ADGRL3: variants seen among roughly 807,000 people sequenced by gnomAD.
ADGRL3 encodes the protein adhesion G protein-coupled receptor L3, also known as calcium-independent alpha-latrotoxin receptor 3.
Under a neutral mutation model 153.5 loss-of-function variants are expected in ADGRL3, and 62 were observed. The observed-to-expected ratio is 0.40, with a 90% CI of 0.33 to 0.50. ADGRL3 has a LOEUF of 0.50. ADGRL3 is among the 20% of genes least tolerant of loss of function. The pLI is 0.47. For synonymous variants in ADGRL3, 710 were observed against 672.5 expected (o/e 1.06, Z -0.86); for missense variants, 1,641 against 1,859.4 (o/e 0.88, Z 2.16).
chr4:61,648,349 C>CTTTTTT (rs34166403), intron 5 of ADGRL3, among the ~76,000 whole-genome samples: 41 of 99,626 alleles, frequency 4.1e-4, no homozygotes, highest in East Asian at 6.2e-4. Flanking sequence ...ATGAAATCGG[C>CTTTTTT]TTTTTTTTTT....
At chr4:61,324,939 A>G (rs1482107837) in intron 1 of ADGRL3, among the ~76,000 whole-genome samples, 1 of 152,192 alleles carries the variant, frequency 6.6e-6, no homozygotes, top group East Asian at 1.9e-4. Flanking sequence ...AGAATTTTAA[A>G]TTATTAAAGC....
At chr4:61,711,653 A>T (rs1480611586) in intron 6 of ADGRL3, among the ~76,000 whole-genome samples, 1 of 151,384 alleles carries the variant, frequency 6.6e-6, no homozygotes, top group African/African-American at 2.4e-5. Flanking sequence ...ATGATTGGAT[A>T]ACATTTATGG....
intron 21 of ADGRL3, 31 bp from the exon 22 acceptor site, chr4:62,028,824 G>T: frequency 1.3e-6 from 2 of 1,586,170 alleles, no homozygotes; most frequent in Non-Finnish European, 1.7e-6. Context: ...TAATGTTGGT[G>T]TTCTTGTCTT....
chr4:61,748,213 A>G (rs972414186), intron 8 of ADGRL3, among the ~76,000 whole-genome samples: 4 of 152,192 alleles, frequency 2.6e-5, no homozygotes, highest in African/African-American at 9.7e-5. Context: ...AAAAGAGAAT[A>G]CAATCAAATG....
chr4:61,296,183 A>G (rs1254933138), intron 1 of ADGRL3, among the ~76,000 whole-genome samples: 1 of 152,152 alleles, frequency 6.6e-6, no homozygotes, highest in Non-Finnish European at 1.5e-5. Context: ...AGCAAAGCTA[A>G]CTTAATAATA....
At chr4:61,820,472 G>T (rs969965) in intron 9 of ADGRL3, among the ~76,000 whole-genome samples, 84,584 of 151,942 alleles carry the variant, frequency 0.56, 25,154 homozygotes, top group African/African-American at 0.76. Flanking sequence ...CACTATAAAC[G>T]ACTTAATAAA....
At chr4:62,012,343 T>C (rs971899731) in intron 21 of ADGRL3, among the ~76,000 whole-genome samples, 4 of 152,202 alleles carry the variant, frequency 2.6e-5, no homozygotes, top group Non-Finnish European at 4.4e-5. Context: ...ATTGTGTCTA[T>C]TTGGAAAATG....
Position 61,393,650 on chromosome 4 carries a change from TA to T in ADGRL3, c.-174+10462del, listed in dbSNP as rs1245108662. Reference sequence around the variant, plus strand: ...TACATTTTTAAAAGTTTCAAGCTTATATACTTACAAGAAAAGGAGACATTAA... The same window carrying T: ...TACATTTTTAAAAGTTTCAAGCTTATTACTTACAAGAAAAGGAGACATTAA... On this transcript the variant is annotated intron_variant, in intron 2 of 26. Transcript: ENST00000683033. Among the ~76,000 whole-genome samples the T allele has an allele frequency of 1.5e-4, 23 of 152,230 alleles. No individual in the cohort carries two copies. In the East Asian group the frequency reaches 4.4e-3, roughly 29 times the overall value.
intron 4 of ADGRL3, among the ~76,000 whole-genome samples, chr4:61,570,552 C>G (rs1397084734): frequency 6.6e-6 from 1 of 152,076 alleles, no homozygotes; most frequent in Non-Finnish European, 1.5e-5. Flanking sequence ...GATATCAATG[C>G]CTCATCTCTG....
In ADGRL3 at chr4:61,318,210, A is replaced by AAAAAAC. The variant is rs1560467266; in HGVS notation, c.-239-64910_-239-64909insACAAAA. Among the ~76,000 whole-genome samples the AAAAAAC allele has an allele frequency of 4.4e-5, 6 of 136,464 alleles. 1 individual carries two copies. Among genetic ancestry groups the AAAAAAC allele is most frequent in the Non-Finnish European group, 7.7e-5 (5 of 64,806 alleles). The allele number at this position is 136,464 out of a possible 152,430, so 89.5% of individuals were successfully genotyped here. On this transcript the variant is annotated intron_variant, in intron 1 of 26. Transcript: ENST00000683033. Reference sequence around the variant, plus strand: ...ACCTGTCTCAAAAAAAAAAAAAAAAAAAAACACAAAACACACACACACACA... The same window carrying AAAAAAC: ...ACCTGTCTCAAAAAAAAAAAAAAAAAAAAAACAAAACACAAAACACACACACACACA...
rs150017357 is a variant in ADGRL3, at chr4:61,486,635, T to C, written c.-173-10486T>C. ...AGATATATTTGGTTATTCTCAGTAA[T>C]ATTCAGAATAATCTCAGTTCCCTTT... On this transcript the variant is annotated intron_variant, in intron 2 of 26. Transcript: ENST00000683033. 2.5e-3 allele frequency among the ~76,000 whole-genome samples: 384 copies of C among 152,334 alleles called. 6 individuals are homozygous for C. Among genetic ancestry groups the C allele is most frequent in the Non-Finnish European group, 1.7e-3 (115 of 68,034 alleles).
Position 61,480,591 on chromosome 4 carries a change from C to T in ADGRL3, c.-173-16530C>T, listed in dbSNP as rs1240577514. Among the ~76,000 whole-genome samples, 5 of 15,766 alleles carry T rather than the reference C, an allele frequency of 3.2e-4. No individual in the cohort carries two copies. The Non-Finnish European group carries it at 7.2e-3, about 23-fold the overall frequency. 10.3% of individuals were successfully genotyped at this position (15,766 alleles called of 152,430 possible). Reference sequence around the variant, plus strand: ...ACCTGAGGTCAGGAGTTCGACCAGCCTGGACAATATGTGAAACCCTGTCTC... The same window carrying T: ...ACCTGAGGTCAGGAGTTCGACCAGCTTGGACAATATGTGAAACCCTGTCTC... On this transcript the variant is annotated intron_variant, in intron 2 of 26. Coordinates refer to ENST00000683033, the MANE Select transcript of ADGRL3 (RefSeq NM_001387552.1).
chr4:61,682,237 G>C (rs1163908273), intron 6 of ADGRL3, among the ~76,000 whole-genome samples: 1 of 151,680 alleles, frequency 6.6e-6, no homozygotes, highest in Non-Finnish European at 1.5e-5. Flanking sequence ...ATTGTCCCTT[G>C]TTTAAATGTT....
At chr4:61,356,735 A>G (rs192586106) in intron 1 of ADGRL3, among the ~76,000 whole-genome samples, 2 of 152,250 alleles carry the variant, frequency 1.3e-5, no homozygotes, top group East Asian at 3.9e-4. Flanking sequence ...CATAAACAAA[A>G]TGGCTTGGAA....
At chr4:61,497,759 C>T (rs979135538) in intron 3 of ADGRL3, among the ~76,000 whole-genome samples, 10 of 151,050 alleles carry the variant, frequency 6.6e-5, no homozygotes, top group Non-Finnish European at 1.5e-5. Context: ...TTCCTGACCT[C>T]GTGACCCGCC....
chr4:61,660,893 C>G (rs2094574629), intron 5 of ADGRL3, among the ~76,000 whole-genome samples: 1 of 151,938 alleles, frequency 6.6e-6, no homozygotes, highest in African/African-American at 2.4e-5. Flanking sequence ...GTTAATTAGA[C>G]CAATTGTCTT....
chr4:61,370,579 A>T (rs1487330413), intron 1 of ADGRL3, among the ~76,000 whole-genome samples: 1 of 152,032 alleles, frequency 6.6e-6, no homozygotes, highest in East Asian at 1.9e-4. Flanking sequence ...GTTTGATTGC[A>T]CTGTGGTCTG....
At position 62,071,045 on chromosome 4, in the gene ADGRL3, CT is replaced by C. The variant is rs113701278; in HGVS notation, c.*149del. 0.092 allele frequency: 50,627 copies of C among 550,472 alleles called. 1 individual carries two copies. The highest frequency in any genetic ancestry group is 0.12 in the East Asian group (3,055 of 25,356). The allele number at this position is 550,472 out of a possible 1,614,324, so 34.1% of individuals were successfully genotyped here. ...CTAAAGACAAACACAAACTCTCAGA[CT>C]TTTTTTTTTTTAATGGGATTTTTAG... On this transcript the variant is annotated 3_prime_UTR_variant, in exon 27 of 27. Transcript: ENST00000683033.
At chr4:61,804,753 T>G (rs1220849926) in intron 8 of ADGRL3, among the ~76,000 whole-genome samples, 1 of 152,070 alleles carries the variant, frequency 6.6e-6, no homozygotes, top group African/African-American at 2.4e-5. Flanking sequence ...ACATGATAAA[T>G]AGCTTTTACT....
Sources: allele counts gnomAD v4.1 joint callset (sites outside exome capture counted in the v4.1 genomes callset), GRCh38; gene constraint gnomAD v4.1.1; transcripts MANE v1.5; gene names NCBI Gene and HGNC (gene_info 2026-07-23, HGNC 2026-07-21).